The following MLLT6 variants were observed in gnomAD, a reference collection of about 807,000 sequenced individuals.
The protein encoded by MLLT6 is protein AF-17.
In MLLT6, 22 loss-of-function variants were observed where a neutral mutation model predicts 103.0. The observed-to-expected ratio is 0.21, with a 90% confidence interval of 0.15 to 0.31. The LOEUF (loss-of-function observed/expected upper bound fraction) is 0.31, where lower values mean the gene tolerates loss of function less well. Ranked by LOEUF, MLLT6 falls within the 10% of genes least tolerant of loss-of-function variation. The probability of loss-of-function intolerance (pLI) is 1.00; values close to 1 mark genes in which losing one functional copy is unlikely to be tolerated. For missense variants in MLLT6, 1,199 were observed against 1,441.7 expected, an observed-to-expected ratio of 0.83 and a Z score of 2.73; for synonymous variants, 606 against 623.5, an observed-to-expected ratio of 0.97 and a Z score of 0.42.
At chr17:38,722,474 C>T (rs1024716954) in intron 17 of MLLT6, among the ~76,000 whole-genome samples, 1 of 152,174 alleles carries the variant, frequency 6.6e-6, no homozygotes, top group Non-Finnish European at 1.5e-5. Context: ...TCTAGGATTT[C>T]CTTCTGGGAC....
Position 38,709,294 on chromosome 17 carries a change from C to A in MLLT6, c.458+18C>A, listed in dbSNP as rs1452668752. 1.3e-6 allele frequency: 2 copies of A among 1,590,872 alleles called. No homozygotes were observed. The highest frequency in any genetic ancestry group is 1.3e-5 in the African/African-American group (1 of 74,482). ...GTCACCTGGTGAGACCCCTGTCCCA[C>A]CCCCCTGCCCCCCGGGTTTGTCCTG... On this transcript the variant is annotated intron_variant, in intron 5 of 19. Transcript: ENST00000621332. This position sits in a 1 kb window ranked among gnomAD's most constrained non-coding sequence, Gnocchi z 4.3.
Position 38,721,862 on chromosome 17 carries a change from C to T in MLLT6, c.2443-16C>T, listed in dbSNP as rs1221033731. 1.3e-6 allele frequency: 2 copies of T among 1,500,002 alleles called. No individual in the cohort carries two copies. Among genetic ancestry groups the T allele is most frequent in the Admixed American group, 1.9e-5 (1 of 53,328 alleles). 92.9% of individuals were successfully genotyped at this position (1,500,002 alleles called of 1,614,324 possible). On this transcript the variant is annotated splice_polypyrimidine_tract_variant and intron_variant, in intron 16 of 19. Coordinates refer to ENST00000621332, the MANE Select transcript of MLLT6 (RefSeq NM_005937.4). ...ATGCTGGCCCTCTGACCCCTCCCTT[C>T]CCCCTCCCTCCCCAGGACCCACACT...
chr17:38,716,638 G>A lies in MLLT6; in HGVS notation c.1308G>A (p.Gly436=). 1.2e-6 allele frequency: 2 copies of A among 1,613,734 alleles called. No individual in the cohort carries two copies. Among genetic ancestry groups the A allele is most frequent in the Non-Finnish European group, 1.7e-6 (2 of 1,179,940 alleles). Residue 436 remains glycine, a synonymous_variant, in exon 10 of 20, where the codon GGG becomes GGA. Transcript: ENST00000621332. This position sits in a 1 kb window ranked among gnomAD's most constrained non-coding sequence, Gnocchi z 5.6. Reference sequence around the variant, plus strand: ...AGTCTCCCCACGTCACGGGGTCTGGGGCCTCGGCAGGCACCCACAAACGGA... The same window carrying A: ...AGTCTCCCCACGTCACGGGGTCTGGAGCCTCGGCAGGCACCCACAAACGGA... ...DYKSPHVTGS[G]ASAGTHKRMP... is the part of the protein sequence containing the mutation.
intron 1 of MLLT6, chr17:38,706,266 G>T (rs992979210): frequency 2.6e-5 from 4 of 152,390 alleles, no homozygotes; most frequent in African/African-American, 9.6e-5. Flanking sequence ...GAATCGAGAA[G>T]AGGGAGGCTT....
rs1412809504 is a variant in MLLT6, at chr17:38,711,993, C to A, written c.699C>A (p.His233Gln). ...PSTQQEKHPTHHERGQKKSRK... is the reference protein window; with the variant it reads ...PSTQQEKHPTQHERGQKKSRK... ...CGCAGCAGGAGAAGCACCCCACCCA[C>A]CACGAGAGGGGCCAGAAGAAGGTAG... Residue 233 changes from histidine to glutamine, a missense_variant, in exon 7 of 20, where the codon CAC becomes CAA. This residue lies in a region of MLLT6 where 1,034 missense variants were observed against 1,091.5 expected (regional missense o/e 0.95). Coordinates refer to ENST00000621332, the MANE Select transcript of MLLT6 (RefSeq NM_005937.4). The A allele has an allele frequency of 6.3e-7, 1 of 1,594,234 alleles. No homozygotes were observed. Among genetic ancestry groups the A allele is most frequent in the South Asian group, 1.1e-5 (1 of 88,510 alleles).
intron 1 of MLLT6, 165 bp downstream of exon 1, chr17:38,705,906 A>G: frequency 3.6e-6 from 1 of 281,062 alleles, no homozygotes; most frequent in Non-Finnish European, 6.5e-6. Flanking sequence ...GTCCTGGAAG[A>G]CCGGGTCAGG....
chr17:38,725,164 TC>T (rs1905958233), intron 19 of MLLT6, 188 bp downstream of exon 19: 6 of 562,332 alleles, frequency 1.1e-5, no homozygotes, highest in Non-Finnish European at 1.9e-5. Context: ...CCAAGAAAGA[TC>T]CGATCTGAGC....
Position 38,722,038 on chromosome 17 carries a change from G to A in MLLT6, c.2603G>A (p.Arg868Gln). Residue 868 changes from arginine to glutamine, a missense_variant, in exon 17 of 20, where the codon CGG becomes CAG. This residue lies in a region of MLLT6 where 1,034 missense variants were observed against 1,091.5 expected (regional missense o/e 0.95). Transcript: ENST00000621332. ...LPPQPQNGLG[R>Q]APGAAGLGAM... ...CCCCAGCCGCAGAACGGGTTGGGCC[G>A]GGCACCCGGGGCAGCGGGGCTGGGG... The A allele has an allele frequency of 4.2e-6, 6 of 1,416,922 alleles. No individual in the cohort carries two copies. The highest frequency in any genetic ancestry group is 2.9e-5 in the East Asian group (1 of 34,492). The allele number at this position is 1,416,922 out of a possible 1,614,324, so 87.8% of individuals were successfully genotyped here. A position where few individuals can be genotyped will look rare whatever the true frequency, so the allele number is the denominator to read the frequency against.
rs146212912 is a variant in MLLT6 at position 38,717,549 on chromosome 17, G to A, written c.1769G>A (p.Arg590His). ...CCCCCAGGGACCTCGGCCCTGCCCC[G>A]CCTCAGCCGCTCCCCGTTCACCAGC... ...LGPPGTSALP[R>H]LSRSPFTSTL... The change falls in exon 11 of 20, where the codon CGC becomes CAC. Residue 590 changes from arginine (R) to histidine (H), a missense_variant. By Grantham distance (29) the Arg-to-His change is conservative. This residue lies in a region of MLLT6 where 1,034 missense variants were observed against 1,091.5 expected (regional missense o/e 0.95). Transcript: ENST00000621332. 5.6e-6 allele frequency: 9 copies of A among 1,613,494 alleles called. No homozygotes were observed. The highest frequency in any genetic ancestry group is 2.7e-5 in the African/African-American group (2 of 74,834).
At chr17:38,712,659 A>G in intron 7 of MLLT6, 32 bp from the exon 8 acceptor site, 1 of 1,454,648 alleles carries the variant, frequency 6.9e-7, no homozygotes. Flanking sequence ...ACAGCCCCCC[A>G]GCACAATATC....
Position 38,724,088 on chromosome 17 carries a change from C to T in MLLT6, c.2884-532C>T, listed in dbSNP as rs533414872. Reference sequence around the variant, plus strand: ...GTCAGTAGTTTTGGCGAAACCCCGTCTCTACTAAAAATACAAAAATTAGCC... The same window carrying T: ...GTCAGTAGTTTTGGCGAAACCCCGTTTCTACTAAAAATACAAAAATTAGCC... On this transcript the variant is annotated intron_variant, in intron 18 of 19. Transcript: ENST00000621332. This position sits in a 1 kb window ranked among gnomAD's most constrained non-coding sequence, Gnocchi z 5.4. 1.3e-5 allele frequency among the ~76,000 whole-genome samples: 2 copies of T among 152,064 alleles called. No homozygotes were observed. Among genetic ancestry groups the T allele is most frequent in the African/African-American group, 4.8e-5 (2 of 41,474 alleles).
At chr17:38,706,068 C>T (rs2143659280) in intron 1 of MLLT6, 1 of 158,646 alleles carries the variant, frequency 6.3e-6, no homozygotes, top group African/African-American at 2.4e-5. Context: ...GAGGTGTCCC[C>T]TCCCGCCCGG....
rs890136913 is a variant in MLLT6, at chr17:38,705,428, G to T, written c.-205G>T. 5.5e-5 allele frequency: 22 copies of T among 398,810 alleles called. No homozygotes were observed. The highest frequency in any genetic ancestry group is 3.9e-4 in the African/African-American group (18 of 46,386). 24.7% of individuals were successfully genotyped at this position (398,810 alleles called of 1,614,324 possible). On this transcript the variant is annotated 5_prime_UTR_variant, in exon 1 of 20. Coordinates refer to ENST00000621332, the MANE Select transcript of MLLT6 (RefSeq NM_005937.4). ...ATGAGGGCGAGAGCACGGCGGGGGG[G>T]GCGGCCAGACAGAGCGAGCGAGGAG...
At chr17:38,707,358 C>T in intron 2 of MLLT6, 128 bp from the exon 3 acceptor site, 1 of 800,402 alleles carries the variant, frequency 1.2e-6, no homozygotes, top group Non-Finnish European at 2.1e-6. Context: ...CATGGCCAAT[C>T]CTGTTTCCAC....
At chr17:38,725,199 A>G in intron 19 of MLLT6, 2 of 534,222 alleles carry the variant, frequency 3.7e-6, no homozygotes, top group Non-Finnish European at 6.5e-6. Flanking sequence ...AAAAGGACCA[A>G]TTAGAAAACA....
At chr17:38,721,061 C>CG in intron 16 of MLLT6, 1 of 464,436 alleles carries the variant, frequency 2.2e-6, no homozygotes, top group East Asian at 4.2e-5. Flanking sequence ...AGAGAGAGAA[C>CG]GGGGGAGGGC....
chr17:38,727,065 G>A lies in MLLT6; in HGVS notation c.*1467G>A, dbSNP rs536425659. The A allele has an allele frequency of 2.6e-5, 6 of 233,628 alleles. No individual in the cohort carries two copies. The highest frequency in any genetic ancestry group is 3.6e-4 in the South Asian group (2 of 5,524). The allele number at this position is 233,628 out of a possible 1,614,324, so 14.5% of individuals were successfully genotyped here. ...GGGGTTTCCAGCTTCCCCAGGCTCCGGCCTTGTCAGTCTCTTTGCATGTGT... is the reference window on the plus strand; with the variant it reads ...GGGGTTTCCAGCTTCCCCAGGCTCCAGCCTTGTCAGTCTCTTTGCATGTGT... On this transcript the variant is annotated 3_prime_UTR_variant, in exon 20 of 20. Coordinates refer to ENST00000621332, the MANE Select transcript of MLLT6 (RefSeq NM_005937.4).
At position 38,725,929 on chromosome 17, in the gene MLLT6, T is replaced by G. The variant is rs939512043; in HGVS notation, c.*331T>G. ...AGTGGGCCATGGCAGAAGTAGGGGG[T>G]TGGTTGGACCTGTCACATGAAATGG... On this transcript the variant is annotated 3_prime_UTR_variant, in exon 20 of 20. Coordinates refer to ENST00000621332, the MANE Select transcript of MLLT6 (RefSeq NM_005937.4). The G allele has an allele frequency of 8.1e-6, 3 of 371,880 alleles. No homozygotes were observed. The highest frequency in any genetic ancestry group is 1.4e-5 in the Non-Finnish European group (3 of 208,740). 23.0% of individuals were successfully genotyped at this position (371,880 alleles called of 1,614,324 possible). A position where few individuals can be genotyped will look rare whatever the true frequency, so the allele number is the denominator to read the frequency against.
At chr17:38,723,709 G>A (rs1445186534) in intron 18 of MLLT6, among the ~76,000 whole-genome samples, 1 of 149,118 alleles carries the variant, frequency 6.7e-6, no homozygotes, top group Non-Finnish European at 1.5e-5. Context: ...AATGATAGAA[G>A]CAAACAAAAC....
Sources: allele counts gnomAD v4.1 joint callset (sites outside exome capture counted in the v4.1 genomes callset), GRCh38; gene constraint gnomAD v4.1.1; regional missense constraint gnomAD v4.1.1; non-coding constraint Gnocchi (gnomAD v3.1); transcripts MANE v1.5; gene names NCBI Gene and HGNC (gene_info 2026-07-23, HGNC 2026-07-21).